Variants in APOBEC3F observed in about 807,000 individuals in gnomAD.
APOBEC3F encodes DNA dC->dU-editing enzyme APOBEC-3F.
A neutral mutation model predicts 45.8 loss-of-function variants in APOBEC3F; 34 were observed. That is an observed-to-expected ratio of 0.74 (90% CI 0.57 to 0.99). The LOEUF (loss-of-function observed/expected upper bound fraction) is 0.99, where lower values mean the gene tolerates loss of function less well. APOBEC3F is among the 50% of genes least tolerant of loss of function. The pLI is 0.00. For synonymous variants in APOBEC3F, 192 were observed against 174.4 expected, an observed-to-expected ratio of 1.10 and a Z score of -0.80; for missense variants, 459 against 474.1, an observed-to-expected ratio of 0.97 and a Z score of 0.30.
At chr22:39,046,568 T>G (rs1183249795) in intron 4 of APOBEC3F, among the ~76,000 whole-genome samples, 2 of 151,796 alleles carry the variant, frequency 1.3e-5, no homozygotes, top group African/African-American at 4.8e-5. Flanking sequence ...GGGATGGAGA[T>G]GCAGAAAGAG....
At chr22:39,046,357 T>C (rs1331639632) in intron 4 of APOBEC3F, among the ~76,000 whole-genome samples, 1 of 152,142 alleles carries the variant, frequency 6.6e-6, no homozygotes, top group Non-Finnish European at 1.5e-5. Flanking sequence ...ATTTAGTCCA[T>C]GACAATGGGT....
rs532345804 is a variant in APOBEC3F at position 39,055,810 on chromosome 22, C to A, written c.*3115C>A. 1.3e-5 allele frequency among the ~76,000 whole-genome samples: 2 copies of A among 152,102 alleles called. No individual in the cohort carries two copies. The highest frequency in any genetic ancestry group is 2.9e-5 in the Non-Finnish European group (2 of 68,026). On this transcript the variant is annotated 3_prime_UTR_variant, in exon 7 of 7. Transcript: ENST00000308521. ...CCCACCACTGATGCATGTAGCCCCC[C>A]AGTCACGTAGCCCACGCTTGCACAA...
In APOBEC3F at chr22:39,054,956, G is replaced by A. The variant is rs1023173077; in HGVS notation, c.*2261G>A. ...ACAAGTCCAAGGTGGAGGGGTCGGCGGGGTTGTTTGCTCTGAGGCCGCTCC... is the reference window on the plus strand; with the variant it reads ...ACAAGTCCAAGGTGGAGGGGTCGGCAGGGTTGTTTGCTCTGAGGCCGCTCC... On this transcript the variant is annotated 3_prime_UTR_variant, in exon 7 of 7. Coordinates refer to ENST00000308521, the MANE Select transcript of APOBEC3F (RefSeq NM_145298.6). Among the ~76,000 whole-genome samples, 1 of 152,134 alleles carries A rather than the reference G, an allele frequency of 6.6e-6. No individual in the cohort carries two copies. Among genetic ancestry groups the A allele is most frequent in the African/African-American group, 2.4e-5 (1 of 41,428 alleles).
chr22:39,045,342 A>T (rs554186019), intron 3 of APOBEC3F, 86 bp from the exon 4 acceptor site: 18 of 1,607,230 alleles, frequency 1.1e-5, no homozygotes, highest in Middle Eastern at 1.7e-4. Context: ...CAGCACTGAC[A>T]GCAACTGACA....
At chr22:39,050,885 G>A (rs1279773956) in intron 5 of APOBEC3F, among the ~76,000 whole-genome samples, 2 of 152,168 alleles carry the variant, frequency 1.3e-5, no homozygotes, top group Admixed American at 6.5e-5. Flanking sequence ...GATGCCTGGG[G>A]AACAGGATGC....
chr22:39,046,370 A>T (rs1269173156), intron 4 of APOBEC3F, among the ~76,000 whole-genome samples: 2 of 152,104 alleles, frequency 1.3e-5, no homozygotes, highest in African/African-American at 4.8e-5. Context: ...CAATGGGTCA[A>T]GCTTGCGTGG....
Position 39,053,334 on chromosome 22 carries a change from C to G in APOBEC3F, c.*639C>G, listed in dbSNP as rs577360182. 4.0e-5 allele frequency: 6 copies of G among 151,840 alleles called. No homozygotes were observed. The highest frequency in any genetic ancestry group is 1.4e-4 in the African/African-American group (6 of 41,410). 9.4% of individuals were successfully genotyped at this position (151,840 alleles called of 1,614,324 possible). A position where few individuals can be genotyped will look rare whatever the true frequency, so the allele number is the denominator to read the frequency against. On this transcript the variant is annotated 3_prime_UTR_variant, in exon 7 of 7. Transcript: ENST00000308521. Reference sequence around the variant, plus strand: ...TATTAAACTCACCCTAGGCTGGCCGCGGTGACTCATGCCTATAATCCCCCA... The same window carrying G: ...TATTAAACTCACCCTAGGCTGGCCGGGGTGACTCATGCCTATAATCCCCCA...
intron 1 of APOBEC3F, among the ~76,000 whole-genome samples, chr22:39,042,451 A>C (rs1003260231): frequency 3.3e-5 from 5 of 151,698 alleles, no homozygotes; most frequent in African/African-American, 1.2e-4. Flanking sequence ...GGCTGGGATT[A>C]CAGGCACCCA....
intron 2 of APOBEC3F, chr22:39,044,069 G>A: frequency 6.5e-7 from 1 of 1,539,020 alleles, no homozygotes; most frequent in East Asian, 2.5e-5. Flanking sequence ...AGCGGTGTAT[G>A]GTGTATTTTT....
chr22:39,055,230 G>A lies in APOBEC3F; in HGVS notation c.*2535G>A, dbSNP rs569022131. Among the ~76,000 whole-genome samples the A allele has an allele frequency of 1.2e-4, 17 of 147,486 alleles. No individual in the cohort carries two copies. The highest frequency in any genetic ancestry group is 4.3e-4 in the African/African-American group (17 of 39,660). On this transcript the variant is annotated 3_prime_UTR_variant, in exon 7 of 7. Coordinates refer to ENST00000308521, the MANE Select transcript of APOBEC3F (RefSeq NM_145298.6). ...TGGGACTACAGGCGTGTGCCACCAC[G>A]CCTGGCTAATTTTGTAGTTTTAGTA...
chr22:39,045,498 T>G lies in APOBEC3F; in HGVS notation c.522T>G (p.Asp174Glu). 1 of 1,614,158 alleles carries G rather than the reference T, an allele frequency of 6.2e-7. No homozygotes were observed. Among genetic ancestry groups the G allele is most frequent in the South Asian group, 1.1e-5 (1 of 91,086 alleles). ...GQPFMPWYKF[D>E]DNYAFLHRTL... Reference sequence around the variant, plus strand: ...CATTCATGCCTTGGTACAAATTCGATGACAATTATGCATTCCTGCACCGCA... The same window carrying G: ...CATTCATGCCTTGGTACAAATTCGAGGACAATTATGCATTCCTGCACCGCA... Residue 174 changes from aspartate to glutamate, a missense_variant, in exon 4 of 7, where the codon GAT (aspartate) becomes GAG (glutamate). Asp to Glu is a conservative substitution (Grantham distance 45). Transcript: ENST00000308521.
rs780166512 is a variant in APOBEC3F, at chr22:39,052,344, G to A, written c.994G>A (p.Gly332Ser). The part of the protein sequence containing the change: ...SQEGASVEIM[G>S]YKDFKYCWEN... ...GGAAGGGGCCTCCGTGGAGATCATG[G>A]GCTACAAAGGTGAGACGTTGGGGGG... is the stretch of plus-strand genomic sequence containing the variant. Residue 332 changes from glycine to serine, a missense_variant, in exon 6 of 7, where the codon GGC (glycine) becomes AGC (serine). By Grantham distance (56) the Gly-to-Ser change is moderately conservative. Coordinates refer to ENST00000308521, the MANE Select transcript of APOBEC3F (RefSeq NM_145298.6). 2 of 1,614,132 alleles carry A rather than the reference G, an allele frequency of 1.2e-6. No homozygotes were observed. Among genetic ancestry groups the A allele is most frequent in the Admixed American group, 3.3e-5 (2 of 60,028 alleles).
rs766832574 is a variant in APOBEC3F at position 39,043,087 on chromosome 22, C to T, written c.168C>T (p.Gly56=). 9 of 1,614,044 alleles carry T rather than the reference C, an allele frequency of 5.6e-6. No homozygotes were observed. Among genetic ancestry groups the T allele is most frequent in the African/African-American group, 1.3e-5 (1 of 75,036 alleles). The change falls in exon 2 of 7, where the codon GGC becomes GGT. Residue 56 remains glycine (G), a synonymous_variant. Transcript: ENST00000308521. ...RPRLDAKIFR[G]QVYSQPEHHA... ...GTTTGGACGCAAAGATCTTTCGAGG[C>T]CAGGTACCACCCGGACTTCAATCAC...
At chr22:39,048,651 C>T (rs775498216) in intron 4 of APOBEC3F, among the ~76,000 whole-genome samples, 12 of 152,074 alleles carry the variant, frequency 7.9e-5, no homozygotes, top group Middle Eastern at 3.4e-3. Flanking sequence ...ACTAAAAATA[C>T]AAAAAATTAG....
Position 39,052,674 on chromosome 22 carries a change from G to A in APOBEC3F, c.1101G>A (p.Lys367=), listed in dbSNP as rs976589657. The A allele has an allele frequency of 8.7e-6, 14 of 1,613,610 alleles. No individual in the cohort carries two copies. In the African/African-American group the frequency reaches 1.2e-4, roughly 14 times the overall value. ...ACAACTTTCTATTCCTGGACAGCAA[G>A]CTGCAGGAGATTCTCGAGTGAGGGG... is the stretch of plus-strand genomic sequence containing the variant. ...LKYNFLFLDS[K]LQEILE The change falls in exon 7 of 7, where the codon AAG becomes AAA. Residue 367 remains lysine, a synonymous_variant. Coordinates refer to ENST00000308521, the MANE Select transcript of APOBEC3F (RefSeq NM_145298.6).
intron 5 of APOBEC3F, among the ~76,000 whole-genome samples, chr22:39,051,728 G>C (rs963269043): frequency 6.6e-6 from 1 of 151,916 alleles, no homozygotes; most frequent in East Asian, 1.9e-4. Flanking sequence ...GAGGCAGGAG[G>C]ATGGCTTGAG....
chr22:39,043,712 G>A (rs1242511394), intron 2 of APOBEC3F, among the ~76,000 whole-genome samples: 2 of 151,768 alleles, frequency 1.3e-5, no homozygotes, highest in East Asian at 1.9e-4. Context: ...GTCACACTGA[G>A]TCTTTGAAAT....
chr22:39,053,011 G>C lies in APOBEC3F; in HGVS notation c.*316G>C, dbSNP rs949106495. Reference sequence around the variant, plus strand: ...ATATTTTTTTTTTTTTTTTGAGACGGAATTTCGCTCTGTCACCCAGACTGG... The same window carrying C: ...ATATTTTTTTTTTTTTTTTGAGACGCAATTTCGCTCTGTCACCCAGACTGG... On this transcript the variant is annotated 3_prime_UTR_variant, in exon 7 of 7. Transcript: ENST00000308521. 5 of 229,722 alleles carry C rather than the reference G, an allele frequency of 2.2e-5. No homozygotes were observed. The Admixed American group carries it at 2.7e-4, about 12-fold the overall frequency. The allele number at this position is 229,722 out of a possible 1,614,324, so 14.2% of individuals were successfully genotyped here. A position where few individuals can be genotyped will look rare whatever the true frequency, so the allele number is the denominator to read the frequency against.
chr22:39,051,900 GC>G (rs1265068507), intron 5 of APOBEC3F, among the ~76,000 whole-genome samples, 173 bp from the exon 6 acceptor site: 4 of 152,064 alleles, frequency 2.6e-5, no homozygotes, highest in Non-Finnish European at 4.4e-5. Flanking sequence ...GCTGCAGTCA[GC>G]CCCAGATCGC....
Sources: allele counts gnomAD v4.1 joint callset (sites outside exome capture counted in the v4.1 genomes callset), GRCh38; gene constraint gnomAD v4.1.1; transcripts MANE v1.5; gene names NCBI Gene and HGNC (gene_info 2026-07-23, HGNC 2026-07-21).